The following CAND1 variants were observed in gnomAD, a reference collection of about 807,000 sequenced individuals.
CAND1 encodes cullin-associated NEDD8-dissociated protein 1.
A neutral mutation model predicts 108.5 loss-of-function variants in CAND1; 7 were observed. The observed-to-expected ratio is 0.06, with a 90% CI of 0.04 to 0.12. CAND1 has a LOEUF of 0.12. CAND1 is among the 10% of genes least tolerant of loss of function. The pLI, the probability that CAND1 is intolerant of heterozygous loss-of-function variation, is 1.00. For synonymous variants in CAND1, 534 were observed against 512.0 expected, an observed-to-expected ratio of 1.04 and a Z score of -0.58; for missense variants, 941 against 1,448.7, an observed-to-expected ratio of 0.65 and a Z score of 5.69.
intron 1 of CAND1, among the ~76,000 whole-genome samples, chr12:67,277,671 C>T (rs780946322): frequency 1.2e-4 from 19 of 152,128 alleles, no homozygotes; most frequent in Non-Finnish European, 1.9e-4. Context: ...TTGGATTACT[C>T]AAAATTTTCA....
At chr12:67,295,245 T>A in intron 4 of CAND1, 89 bp downstream of exon 4, 3 of 1,232,162 alleles carry the variant, frequency 2.4e-6, no homozygotes, top group Non-Finnish European at 2.2e-6. Flanking sequence ...TAATAAAACT[T>A]GGTCAGAAAT....
Position 67,312,746 on chromosome 12 carries a change from T to C in CAND1, c.3609T>C (p.Ser1203=), listed in dbSNP as rs775543194. The C allele has an allele frequency of 6.2e-7, 1 of 1,613,876 alleles. No homozygotes were observed. The highest frequency in any genetic ancestry group is 8.5e-7 in the Non-Finnish European group (1 of 1,179,850). The change falls in exon 15 of 15, where the codon AGT becomes AGC. Residue 1203 remains serine, a synonymous_variant. Coordinates refer to ENST00000545606, the MANE Select transcript of CAND1 (RefSeq NM_018448.5). ...TGAGTGAATTCCAGTCACAGATCAG[T>C]TCTAACCCTGAGCTGGCGGCTATCT... is the stretch of plus-strand genomic sequence containing the variant. ...PLMSEFQSQI[S]SNPELAAIFE... is the part of the protein sequence containing the mutation.
intron 1 of CAND1, among the ~76,000 whole-genome samples, chr12:67,277,102 C>T (rs1159087867): frequency 6.6e-6 from 1 of 152,176 alleles, no homozygotes; most frequent in Non-Finnish European, 1.5e-5. Context: ...CCTTTTACTT[C>T]TTTCCTGCTA....
intron 13 of CAND1, 62 bp downstream of exon 13, chr12:67,310,378 A>T: frequency 8.2e-7 from 1 of 1,217,156 alleles, no homozygotes; most frequent in Non-Finnish European, 1.2e-6. Context: ...AGCAACTTTC[A>T]CCCTTGTAAT....
At chr12:67,273,165 A>C (rs1461661305) in intron 1 of CAND1, among the ~76,000 whole-genome samples, 1 of 152,244 alleles carries the variant, frequency 6.6e-6, no homozygotes, top group Non-Finnish European at 1.5e-5. Flanking sequence ...CTTCAGAAGA[A>C]AAATGAAGAA....
At chr12:67,277,913 A>G (rs2044584738) in intron 1 of CAND1, among the ~76,000 whole-genome samples, 1 of 152,152 alleles carries the variant, frequency 6.6e-6, no homozygotes. Flanking sequence ...CCAAATGAAG[A>G]TTTGTTCTCT....
rs2045019130 is a variant in CAND1, at chr12:67,317,472, AAT to A, written c.*4643_*4644del. ...TCTTTTTTCTTTTTTTTTCTTTCTT[AAT>A]TTTTTTTTTTTTTTTTTTTTTTGAG... On this transcript the variant is annotated 3_prime_UTR_variant, in exon 15 of 15. Transcript: ENST00000545606. 1 of 116,630 alleles carries A rather than the reference AAT, an allele frequency of 8.6e-6. No individual in the cohort carries two copies. Among genetic ancestry groups the A allele is most frequent in the African/African-American group, 3.9e-5 (1 of 25,546 alleles). 7.2% of individuals were successfully genotyped at this position (116,630 alleles called of 1,614,324 possible). A position where few individuals can be genotyped will look rare whatever the true frequency, so the allele number is the denominator to read the frequency against.
intron 2 of CAND1, 67 bp downstream of exon 2, chr12:67,282,120 G>A (rs2044625263): frequency 6.7e-7 from 1 of 1,493,636 alleles, no homozygotes; most frequent in Non-Finnish European, 9.2e-7. Flanking sequence ...AAAACTCTAT[G>A]ATAAGTAGTA....
intron 2 of CAND1, among the ~76,000 whole-genome samples, chr12:67,291,797 A>AT (rs2136004413): frequency 6.6e-6 from 1 of 152,240 alleles, no homozygotes; most frequent in Non-Finnish European, 1.5e-5. Flanking sequence ...AGGGATGCTA[A>AT]ATCTATATGT....
intron 1 of CAND1, among the ~76,000 whole-genome samples, chr12:67,271,876 TAAAC>T (rs956245066): frequency 7.9e-5 from 12 of 152,238 alleles, no homozygotes; most frequent in Admixed American, 4.6e-4. Flanking sequence ...ATCTAGTTAA[TAAAC>T]AAGTCTTTGG....
rs1437348786 is a variant in CAND1 at position 67,269,549 on chromosome 12, G to C, written c.-169G>C. On this transcript the variant is annotated 5_prime_UTR_variant, in exon 1 of 15. Transcript: ENST00000545606. The stretch of plus-strand genomic sequence containing the variant: ...GACAGGCCCACGCCTCGCCAGGGAG[G>C]GGGCAGCCCGTCGAGGCGCCTCCCT... The C allele has an allele frequency of 1.7e-6, 1 of 581,726 alleles. No individual in the cohort carries two copies. Among genetic ancestry groups the C allele is most frequent in the Non-Finnish European group, 3.0e-6 (1 of 337,766 alleles). 36.0% of individuals were successfully genotyped at this position (581,726 alleles called of 1,614,324 possible). A position where few individuals can be genotyped will look rare whatever the true frequency, so the allele number is the denominator to read the frequency against.
At chr12:67,276,369 A>AT (rs1224395348) in intron 1 of CAND1, among the ~76,000 whole-genome samples, 1 of 152,096 alleles carries the variant, frequency 6.6e-6, no homozygotes, top group Non-Finnish European at 1.5e-5. Context: ...ATTCTCTTAT[A>AT]TGGGCATCCT....
At chr12:67,287,857 A>ATTTTTTTTTTTTTTTTTTTTT (rs34177330) in intron 2 of CAND1, among the ~76,000 whole-genome samples, 1 of 112,590 alleles carries the variant, frequency 8.9e-6, no homozygotes, top group East Asian at 2.6e-4. Flanking sequence ...TTTTGATGTG[A>ATTTTTTTTTTTTTTTTTTTTT]TTTTTTTTTT....
chr12:67,278,049 A>G (rs568374920), intron 1 of CAND1, among the ~76,000 whole-genome samples: 1 of 152,214 alleles, frequency 6.6e-6, no homozygotes, highest in East Asian at 1.9e-4. Flanking sequence ...AATAAAGGCT[A>G]AAATCCTGAT....
chr12:67,281,206 T>C (rs2044616945), intron 1 of CAND1, among the ~76,000 whole-genome samples: 1 of 151,936 alleles, frequency 6.6e-6, no homozygotes. Flanking sequence ...GACAGGCGCC[T>C]GTAATCCCAA....
At chr12:67,279,996 T>C (rs2044605223) in intron 1 of CAND1, among the ~76,000 whole-genome samples, 1 of 152,236 alleles carries the variant, frequency 6.6e-6, no homozygotes, top group African/African-American at 2.4e-5. Context: ...ATTAATGTGT[T>C]ATGCAATTTT....
At chr12:67,275,539 A>C (rs918686779) in intron 1 of CAND1, among the ~76,000 whole-genome samples, 1 of 152,172 alleles carries the variant, frequency 6.6e-6, no homozygotes, top group Non-Finnish European at 1.5e-5. Context: ...GAAAAAAAAA[A>C]AAACTGTTCC....
At chr12:67,292,825 T>C in intron 3 of CAND1, 49 bp downstream of exon 3, 1 of 1,581,152 alleles carries the variant, frequency 6.3e-7, no homozygotes, top group Non-Finnish European at 8.7e-7. Flanking sequence ...GTGGAGGTAT[T>C]TCTCCCCACC....
At chr12:67,279,174 CAAA>C (rs3970784) in intron 1 of CAND1, among the ~76,000 whole-genome samples, 10 of 140,034 alleles carry the variant, frequency 7.1e-5, no homozygotes, top group Non-Finnish European at 6.2e-5. Context: ...TCCCCACCAC[CAAA>C]AAAAAAAAAA....
Sources: allele counts gnomAD v4.1 joint callset (sites outside exome capture counted in the v4.1 genomes callset), GRCh38; gene constraint gnomAD v4.1.1; transcripts MANE v1.5; gene names NCBI Gene and HGNC (gene_info 2026-07-23, HGNC 2026-07-21).